CACNA1I: variants seen among roughly 807,000 people sequenced by gnomAD.
CACNA1I encodes calcium voltage-gated channel subunit alpha1 I.
A neutral mutation model predicts 201.6 loss-of-function variants in CACNA1I; 74 were observed. The ratio of observed to expected loss-of-function variants is 0.37; its 90% CI spans 0.30 to 0.45. The LOEUF is 0.45. CACNA1I is among the 20% of genes least tolerant of loss of function. CACNA1I has a pLI of 1.00. For synonymous variants in CACNA1I, 1,431 were observed against 1,345.2 expected (o/e 1.06, Z -1.40); for missense variants, 2,346 against 3,138.1 (o/e 0.75, Z 6.03).
chr22:39,671,774 A>G (rs934854733), intron 26 of CACNA1I, among the ~76,000 whole-genome samples: 2 of 152,250 alleles, frequency 1.3e-5, no homozygotes, highest in Non-Finnish European at 2.9e-5. Context: ...TGGAATATTA[A>G]TAGCTTACAT....
rs1321977581 is a variant in CACNA1I at position 39,574,740 on chromosome 22, CTT to C, written c.236+3754_236+3755del. ...TGTCTAGACCCTGCAAAGGGCGACTCTTTCCCCCACTGAGAACCCAAAGGGGT... is the reference window on the plus strand; with the variant it reads ...TGTCTAGACCCTGCAAAGGGCGACTCTCCCCCACTGAGAACCCAAAGGGGT... On this transcript the variant is annotated intron_variant, in intron 1 of 36. Coordinates refer to ENST00000402142, the MANE Select transcript of CACNA1I (RefSeq NM_021096.4). Among the ~76,000 whole-genome samples, 4 of 152,354 alleles carry C rather than the reference CTT, an allele frequency of 2.6e-5. No individual in the cohort carries two copies. In the South Asian group the frequency reaches 6.2e-4, roughly 24 times the overall value.
chr22:39,667,047 C>T (rs151281782), intron 23 of CACNA1I, among the ~76,000 whole-genome samples: 1 of 152,362 alleles, frequency 6.6e-6, no homozygotes, highest in Non-Finnish European at 1.5e-5. Flanking sequence ...GTTCTCTGTA[C>T]TCGGAGCCAC....
intron 3 of CACNA1I, among the ~76,000 whole-genome samples, chr22:39,606,411 T>C (rs1387811152): frequency 1.3e-5 from 2 of 152,236 alleles, no homozygotes; most frequent in African/African-American, 4.8e-5. Flanking sequence ...GCTCATTCCA[T>C]GCACTTCCTG....
At chr22:39,632,625 T>C (rs1231916703) in intron 4 of CACNA1I, among the ~76,000 whole-genome samples, 1 of 152,166 alleles carries the variant, frequency 6.6e-6, no homozygotes, top group Non-Finnish European at 1.5e-5. Context: ...GTCTTGTTTG[T>C]CTTTGGATTC....
In CACNA1I at chr22:39,689,343, A is replaced by C. The variant is rs964515718; in HGVS notation, c.*2938A>C. On this transcript the variant is annotated 3_prime_UTR_variant, in exon 37 of 37. Transcript: ENST00000402142. ...AAAGCCCGTCTGCTGTCTTCCCCCA[A>C]ATCCTCAGCTCAGAGCCTTCCGCTT... The C allele has an allele frequency of 6.5e-6, 1 of 152,738 alleles. No individual in the cohort carries two copies. The highest frequency in any genetic ancestry group is 1.5e-5 in the Non-Finnish European group (1 of 68,138). The allele number at this position is 152,738 out of a possible 1,614,324, so 9.5% of individuals were successfully genotyped here. A position where few individuals can be genotyped will look rare whatever the true frequency, so the allele number is the denominator to read the frequency against.
At position 39,680,993 on chromosome 22, in the gene CACNA1I, G is replaced by C. The variant is rs371908010; in HGVS notation, c.5605G>C (p.Gly1869Arg). 1 of 1,611,756 alleles carries C rather than the reference G, an allele frequency of 6.2e-7. No homozygotes were observed. The highest frequency in any genetic ancestry group is 8.5e-7 in the Non-Finnish European group (1 of 1,179,516). Residue 1869 changes from glycine to arginine, a missense_variant, in exon 34 of 37, where the codon GGT becomes CGT. Gly to Arg is a moderately radical substitution (Grantham distance 125, BLOSUM62 -2). Around this residue, in one of 13 missense-constraint regions of CACNA1I, gnomAD observed 441 missense variants for 555.6 expected, o/e 0.79. Transcript: ENST00000402142. ...NSDRSSSILL[G>R]DDLSLEDPTA... Reference sequence around the variant, plus strand: ...AGACAGGTCCTCGTCCATCCTGCTGGGTGACGACCTGAGTCTCGAGGACCC... The same window carrying C: ...AGACAGGTCCTCGTCCATCCTGCTGCGTGACGACCTGAGTCTCGAGGACCC...
chr22:39,669,133 G>A lies in CACNA1I; in HGVS notation c.4194+752G>A, dbSNP rs151129428. Among the ~76,000 whole-genome samples the A allele has an allele frequency of 3.1e-4, 47 of 152,268 alleles. 1 individual carries two copies. In the East Asian group the frequency reaches 8.9e-3, roughly 29 times the overall value. On this transcript the variant is annotated intron_variant, in intron 24 of 36. Coordinates refer to ENST00000402142, the MANE Select transcript of CACNA1I (RefSeq NM_021096.4). The stretch of plus-strand genomic sequence containing the variant: ...GTGTCCAGACTGAGGGGGTCACTGG[G>A]AGAAGAAACAGAAAGATTCTCTAGC...
intron 1 of CACNA1I, among the ~76,000 whole-genome samples, chr22:39,585,532 G>A (rs1474254901): frequency 1.3e-5 from 2 of 150,224 alleles, no homozygotes; most frequent in Admixed American, 1.3e-4. Flanking sequence ...TGGGATTACA[G>A]GTCTGAGCCA....
chr22:39,613,940 C>T (rs1351149998), intron 3 of CACNA1I, among the ~76,000 whole-genome samples: 1 of 152,170 alleles, frequency 6.6e-6, no homozygotes, highest in African/African-American at 2.4e-5. Context: ...TGGGTTCAAG[C>T]GATTCTCTTC....
chr22:39,673,952 C>T lies in CACNA1I; in HGVS notation c.4784-11C>T, dbSNP rs753036529. On this transcript the variant is annotated splice_polypyrimidine_tract_variant and intron_variant, in intron 28 of 36. Transcript: ENST00000402142. ...TGGGGCTGAGTGGGCAGGGCTGGGT[C>T]TCGCCCGCAGTGCTGAAGCTGTTGA... 51 of 1,611,788 alleles carry T rather than the reference C, an allele frequency of 3.2e-5. No homozygotes were observed. The highest frequency in any genetic ancestry group is 3.5e-5 in the Non-Finnish European group (41 of 1,179,772).
chr22:39,570,909 G>T lies in CACNA1I; in HGVS notation c.157G>T (p.Asp53Tyr). ...AGCTGATCCTCATGTCCCACACCCA[G>T]ACCTGGCGCCTATTGCCTTCTTCTG... ...DGADPHVPHP[D>Y]LAPIAFFCLR... is the part of the protein sequence containing the mutation. The change falls in exon 1 of 37, where the codon GAC becomes TAC. Residue 53 changes from aspartate to tyrosine, a missense_variant. Asp to Tyr is a radical substitution (Grantham distance 160). Transcript: ENST00000402142. The T allele has an allele frequency of 6.2e-7, 1 of 1,613,876 alleles. No homozygotes were observed. The highest frequency in any genetic ancestry group is 8.5e-7 in the Non-Finnish European group (1 of 1,179,882).
intron 4 of CACNA1I, among the ~76,000 whole-genome samples, chr22:39,620,012 T>TATCCATCC (rs564900279): frequency 0.18 from 17,094 of 92,716 alleles, 2,360 homozygotes; most frequent in East Asian, 0.62. Flanking sequence ...TCCACCTGTC[T>TATCCATCC]ATCCATCCAT....
chr22:39,594,110 G>C (rs989494378), intron 1 of CACNA1I, among the ~76,000 whole-genome samples: 1 of 152,216 alleles, frequency 6.6e-6, no homozygotes. Flanking sequence ...TTGGAGTCCA[G>C]CAGGCCTGGT....
intron 3 of CACNA1I, among the ~76,000 whole-genome samples, chr22:39,612,284 C>T (rs1933406258): frequency 6.6e-6 from 1 of 152,166 alleles, no homozygotes; most frequent in Admixed American, 6.5e-5. Flanking sequence ...GTTGGACTTC[C>T]CAGCCTCCAG....
chr22:39,642,671 A>G, intron 6 of CACNA1I, 126 bp from the exon 7 acceptor site: 1 of 661,116 alleles, frequency 1.5e-6, no homozygotes, highest in Non-Finnish European at 2.7e-6. Flanking sequence ...CCCCTGTGAG[A>G]CAGACTCGAG....
chr22:39,685,941 C>T lies in CACNA1I; in HGVS notation c.6208C>T (p.Arg2070Cys), dbSNP rs1293738856. 7.8e-6 allele frequency: 10 copies of T among 1,288,752 alleles called. No individual in the cohort carries two copies. Among genetic ancestry groups the T allele is most frequent in the Non-Finnish European group, 7.8e-6 (8 of 1,027,718 alleles). The allele number at this position is 1,288,752 out of a possible 1,614,324, so 79.8% of individuals were successfully genotyped here. A position where few individuals can be genotyped will look rare whatever the true frequency, so the allele number is the denominator to read the frequency against. The change falls in exon 37 of 37, where the codon CGC (arginine) becomes TGC (cysteine). Residue 2070 changes from arginine (R) to cysteine (C), a missense_variant. Arg to Cys is a radical substitution (Grantham distance 180). Transcript: ENST00000402142. The surrounding 1 kb of genome is among the most constrained non-coding windows in gnomAD (Gnocchi z 5.0). ...SPAARRRLSLRGRGLFSLRGL... is the reference protein window; with the variant it reads ...SPAARRRLSLCGRGLFSLRGL... ...CGCCGCTCGCCGCCGCCTGAGCCTG[C>T]GCGGCCGGGGCCTCTTCAGCCTGCG... is the stretch of plus-strand genomic sequence containing the variant.
chr22:39,664,517 C>T (rs1003542624), intron 20 of CACNA1I, among the ~76,000 whole-genome samples: 3 of 152,154 alleles, frequency 2.0e-5, no homozygotes, highest in Admixed American at 6.5e-5. Context: ...CCTAACAGGG[C>T]GGCCTGCTGG....
intron 1 of CACNA1I, among the ~76,000 whole-genome samples, chr22:39,592,229 T>C (rs914701551): frequency 6.6e-6 from 1 of 152,218 alleles, no homozygotes; most frequent in African/African-American, 2.4e-5. Context: ...TTTCTCCATC[T>C]GTGTTCCTCA....
rs552930421 is a variant in CACNA1I, at chr22:39,660,322, A to G, written c.2605-22A>G. On this transcript the variant is annotated intron_variant, in intron 14 of 36. Coordinates refer to ENST00000402142, the MANE Select transcript of CACNA1I (RefSeq NM_021096.4). ...GAGGAGCTGGACTGACCTGCATTCT[A>G]ACGTGACGGATGCTCTCCCAGGGTG... 7 of 1,595,554 alleles carry G rather than the reference A, an allele frequency of 4.4e-6. No homozygotes were observed. In the Admixed American group the frequency reaches 1.0e-4, roughly 23 times the overall value.
Sources: gnomAD v4.1 joint callset for allele counts (sites outside exome capture counted in the v4.1 genomes callset) on GRCh38, gnomAD v4.1.1 for gene constraint, gnomAD v4.1.1 regional missense constraint, Gnocchi (gnomAD v3.1) non-coding constraint, MANE v1.5 for transcripts, NCBI Gene and HGNC (gene_info 2026-07-23, HGNC 2026-07-21) for gene names.